The following OPRM1 variants were observed in gnomAD, a reference collection of about 807,000 sequenced individuals.
OPRM1 encodes mu-type opioid receptor.
A neutral mutation model predicts 31.8 loss-of-function variants in OPRM1; 27 were observed. The observed-to-expected ratio is 0.85, with a 90% CI of 0.63 to 1.17. The LOEUF (loss-of-function observed/expected upper bound fraction) is 1.17, where lower values mean the gene tolerates loss of function less well. Ranked by LOEUF, OPRM1 falls within the 50% of genes most tolerant of loss-of-function variation. The pLI, the probability that OPRM1 is intolerant of heterozygous loss-of-function variation, is 0.00. For synonymous variants in OPRM1, 196 were observed against 189.9 expected (o/e 1.03, Z -0.26); for missense variants, 536 against 511.1 (o/e 1.05, Z -0.47).
chr6:154,138,103 T>G (rs984946563), intron 3 of OPRM1, among the ~76,000 whole-genome samples: 1 of 152,220 alleles, frequency 6.6e-6, no homozygotes, highest in African/African-American at 2.4e-5. Flanking sequence ...TTCTGAGCTT[T>G]CAAGTCACAC....
chr6:154,097,118 A>G (rs879428889), intron 3 of OPRM1, among the ~76,000 whole-genome samples: 5 of 152,208 alleles, frequency 3.3e-5, no homozygotes, highest in Non-Finnish European at 7.3e-5. Context: ...ATATTCTGAC[A>G]TATCTACCCG....
Position 154,019,085 on chromosome 6 carries a change from C to T in OPRM1, c.-1+8067C>T, listed in dbSNP as rs182612754. 1.6e-4 allele frequency among the ~76,000 whole-genome samples: 25 copies of T among 151,732 alleles called. No homozygotes were observed. The South Asian group carries it at 2.3e-3, about 14-fold the overall frequency. On this transcript the variant is annotated intron_variant, in intron 1 of 5. Coordinates refer to the OPRM1 transcript ENST00000434900. ...GCCAAATCGAGCACCCAACCTCTCG[C>T]GCATTTATTTTTGTGTTACAAACAA...
intron 3 of OPRM1, among the ~76,000 whole-genome samples, chr6:154,205,586 A>T (rs967950024): frequency 3.9e-5 from 6 of 152,042 alleles, no homozygotes; most frequent in Admixed American, 3.3e-4. Flanking sequence ...CAAGAGTAAG[A>T]CTCTGTTTCA....
chr6:154,199,536 C>T (rs186186479), intron 3 of OPRM1: 3 of 1,072,312 alleles, frequency 2.8e-6, no homozygotes, highest in East Asian at 2.6e-5. Flanking sequence ...AACCTCTGGG[C>T]ATAGCCCCAC....
intron 3 of OPRM1, among the ~76,000 whole-genome samples, chr6:154,149,664 C>T: frequency 6.6e-6 from 1 of 151,210 alleles, no homozygotes; most frequent in Middle Eastern, 3.2e-3. Flanking sequence ...AGAGAAACTT[C>T]CCATATATCT....
intron 1 of OPRM1, among the ~76,000 whole-genome samples, chr6:154,064,884 T>G (rs1195446896): frequency 6.6e-6 from 1 of 152,190 alleles, no homozygotes; most frequent in Non-Finnish European, 1.5e-5. Context: ...CTGTTTTGAT[T>G]ACCATTACTT....
intron 3 of OPRM1, among the ~76,000 whole-genome samples, chr6:154,233,501 C>A (rs749340486): frequency 2.0e-5 from 3 of 152,030 alleles, no homozygotes; most frequent in Non-Finnish European, 4.4e-5. Context: ...TTTTTTCTTA[C>A]AAACACCTAG....
At chr6:154,019,747 C>CTTTTCTTTTTTTTTTTTTTTT (rs61209522) in intron 1 of OPRM1, among the ~76,000 whole-genome samples, 22 of 122,014 alleles carry the variant, frequency 1.8e-4, no homozygotes, top group South Asian at 2.7e-4. Context: ...CTTTTCTTTT[C>CTTTTCTTTTTTTTTTTTTTTT]TTTTTTTTTT....
At position 154,045,607 on chromosome 6, in the gene OPRM1, T is replaced by C. The variant is rs552906291; in HGVS notation, c.290+5773T>C. ...TGGCTTTCACGTTGTTTCATATCCT[T>C]CTCGTGCCCACCTCATGTCCTTCAC... On this transcript the variant is annotated intron_variant, in intron 1 of 3. Coordinates refer to ENST00000330432, the MANE Select transcript of OPRM1 (RefSeq NM_000914.5). Among the ~76,000 whole-genome samples the C allele has an allele frequency of 3.3e-5, 5 of 152,288 alleles. No homozygotes were observed. In the East Asian group the frequency reaches 9.7e-4, roughly 29 times the overall value.
intron 1 of OPRM1, among the ~76,000 whole-genome samples, chr6:154,022,045 G>C (rs934004761): frequency 6.6e-6 from 1 of 152,128 alleles, no homozygotes; most frequent in African/African-American, 2.4e-5. Context: ...AGACGTCCTT[G>C]CCTTGCTCCT....
At chr6:154,025,723 G>A (rs952260293) in intron 1 of OPRM1, among the ~76,000 whole-genome samples, 10 of 151,936 alleles carry the variant, frequency 6.6e-5, no homozygotes, top group Admixed American at 2.0e-4. Context: ...ATGTTACCAC[G>A]AGGCTTGCAA....
intron 3 of OPRM1, among the ~76,000 whole-genome samples, chr6:154,184,509 T>C (rs1031986016): frequency 6.6e-6 from 1 of 151,930 alleles, no homozygotes; most frequent in Non-Finnish European, 1.5e-5. Context: ...AAAAGACCAA[T>C]GGTATATGTG....
intron 3 of OPRM1, among the ~76,000 whole-genome samples, chr6:154,101,357 C>G (rs1562474041): frequency 6.6e-6 from 1 of 152,090 alleles, no homozygotes; most frequent in African/African-American, 2.4e-5. Context: ...AAACCATCAA[C>G]TTTTAAAAAC....
At chr6:154,186,376 T>C (rs1465100801) in intron 3 of OPRM1, among the ~76,000 whole-genome samples, 1 of 152,150 alleles carries the variant, frequency 6.6e-6, no homozygotes. Context: ...GCAAATTCCA[T>C]TGTCTCATTT....
intron 3 of OPRM1, among the ~76,000 whole-genome samples, chr6:154,207,422 G>T (rs1034574265): frequency 6.6e-6 from 1 of 152,098 alleles, no homozygotes; most frequent in Non-Finnish European, 1.5e-5. Context: ...TCCACTTGCA[G>T]TTCTGTTCTT....
At chr6:154,209,543 G>A (rs1430415708) in intron 3 of OPRM1, among the ~76,000 whole-genome samples, 1 of 151,866 alleles carries the variant, frequency 6.6e-6, no homozygotes, top group African/African-American at 2.4e-5. Context: ...GCTACTCGGG[G>A]GGCCGAGGTG....
In OPRM1 at chr6:154,027,238, G is replaced by T. The variant is rs758066683; in HGVS notation, c.1-11923G>T. Among the ~76,000 whole-genome samples, 4 of 152,312 alleles carry T rather than the reference G, an allele frequency of 2.6e-5. No homozygotes were observed. The South Asian group carries it at 8.3e-4, about 32-fold the overall frequency. On this transcript the variant is annotated intron_variant, in intron 1 of 5. Transcript: ENST00000434900. Reference sequence around the variant, plus strand: ...GGACCACTTTGATGGTCTTTGACAAGATCTGGAAAACTTATCTGAATTACC... The same window carrying T: ...GGACCACTTTGATGGTCTTTGACAATATCTGGAAAACTTATCTGAATTACC...
chr6:154,046,308 A>G (rs990578799), intron 1 of OPRM1, among the ~76,000 whole-genome samples: 1 of 152,074 alleles, frequency 6.6e-6, no homozygotes, highest in African/African-American at 2.4e-5. Context: ...GGCTGAATGG[A>G]GAGAGAGTGG....
At chr6:154,073,683 A>G (rs1329254075) in intron 1 of OPRM1, 2 of 152,354 alleles carry the variant, frequency 1.3e-5, no homozygotes, top group African/African-American at 4.8e-5. Flanking sequence ...AGGAAACAGA[A>G]TAAAAAAGCA....
Sources: gnomAD v4.1 joint callset for allele counts (sites outside exome capture counted in the v4.1 genomes callset) on GRCh38, gnomAD v4.1.1 for gene constraint, MANE v1.5 for transcripts, NCBI Gene and HGNC (gene_info 2026-07-23, HGNC 2026-07-21) for gene names.